Variants in HOXB3 observed in about 807,000 individuals in gnomAD.
HOXB3 encodes homeobox B3.
In HOXB3, 17 loss-of-function variants were observed where a neutral mutation model predicts 29.2. The observed-to-expected ratio is 0.58, with a 90% CI of 0.40 to 0.87. The LOEUF (loss-of-function observed/expected upper bound fraction) is 0.87, where lower values mean the gene tolerates loss of function less well. Ranked by LOEUF, HOXB3 falls within the 40% of genes least tolerant of loss-of-function variation. The probability of loss-of-function intolerance (pLI) is 0.00; values close to 1 mark genes in which losing one functional copy is unlikely to be tolerated. For missense variants in HOXB3, 637 were observed against 616.3 expected, an observed-to-expected ratio of 1.03 and a Z score of -0.35; for synonymous variants, 317 against 285.9, an observed-to-expected ratio of 1.11 and a Z score of -1.10.
At chr17:48,553,670 G>A (rs2068851755) in intron 3 of HOXB3, 2 of 151,150 alleles carry the variant, frequency 1.3e-5, no homozygotes, top group African/African-American at 4.8e-5. Flanking sequence ...GTTAGAAACA[G>A]AGGTATTCCT....
chr17:48,576,423 C>T (rs2069763993), intron 1 of HOXB3: 2 of 271,770 alleles, frequency 7.4e-6, no homozygotes, highest in African/African-American at 2.3e-5. Flanking sequence ...TCCTATTTCT[C>T]TTTCTGTCTT....
At chr17:48,555,198 CAAGA>C (rs1306442566) in intron 3 of HOXB3, among the ~76,000 whole-genome samples, 13 of 151,770 alleles carry the variant, frequency 8.6e-5, no homozygotes, top group Admixed American at 8.5e-4. Flanking sequence ...AGAAAAATAA[CAAGA>C]AAGGAAGACA....
chr17:48,586,829 C>T (rs534165662), intron 1 of HOXB3, among the ~76,000 whole-genome samples: 4 of 152,232 alleles, frequency 2.6e-5, no homozygotes, highest in African/African-American at 9.6e-5. Flanking sequence ...ATAAAACAAA[C>T]CAAATTCGAA....
intron 3 of HOXB3, 65 bp downstream of exon 3, chr17:48,555,466 C>G (rs2068947335): frequency 2.9e-6 from 2 of 700,906 alleles, no homozygotes; most frequent in Non-Finnish European, 5.2e-6. Context: ...GTCATATGGG[C>G]CATAAATCAT....
At position 48,552,351 on chromosome 17, in the gene HOXB3, G is replaced by A; in HGVS notation, c.124C>T (p.His42Tyr). 6.2e-7 allele frequency: 1 copy of A among 1,613,990 alleles called. No individual in the cohort carries two copies. Among genetic ancestry groups the A allele is most frequent in the Non-Finnish European group, 8.5e-7 (1 of 1,179,926 alleles). The change falls in exon 4 of 5, where the codon CAC becomes TAC. Residue 42 changes from histidine to tyrosine, a missense_variant. Coordinates refer to ENST00000498678, the MANE Select transcript of HOXB3 (RefSeq NM_001384749.1). ...GAGCGCTGGTAGTCGCCCTCCAGGTGCGTGGCGGCCTGAAATGGGGGTTGG... is the reference window on the plus strand; with the variant it reads ...GAGCGCTGGTAGTCGCCCTCCAGGTACGTGGCGGCCTGAAATGGGGGTTGG... Reference protein sequence around the residue: ...PPQPPFQAATHLEGDYQRSAC... With the variant: ...PPQPPFQAATYLEGDYQRSAC...
chr17:48,586,973 G>A (rs1291134143), intron 1 of HOXB3, among the ~76,000 whole-genome samples: 1 of 152,174 alleles, frequency 6.6e-6, no homozygotes, highest in Non-Finnish European at 1.5e-5. Flanking sequence ...CCAGAGACAA[G>A]GAAGAGTGGG....
intron 2 of HOXB3, 51 bp from the exon 3 acceptor site, chr17:48,555,669 GC>G (rs1156289193): frequency 2.7e-5 from 13 of 487,850 alleles, no homozygotes; most frequent in East Asian, 1.4e-4. Context: ...GTCGCCCCCC[GC>G]CCCCCCGCCC....
Position 48,556,899 on chromosome 17 carries a change from AT to A in HOXB3, c.-246-1282del, listed in dbSNP as rs534709413. The A allele has an allele frequency of 7.9e-5, 12 of 152,332 alleles. No individual in the cohort carries two copies. In the East Asian group the frequency reaches 2.3e-3, roughly 29 times the overall value. 9.4% of individuals were successfully genotyped at this position (152,332 alleles called of 1,614,324 possible). On this transcript the variant is annotated intron_variant, in intron 2 of 4. Coordinates refer to ENST00000498678, the MANE Select transcript of HOXB3 (RefSeq NM_001384749.1). The stretch of plus-strand genomic sequence containing the variant: ...GAGATGGAAGATGGTTATTATTATT[AT>A]TCAGAACAACCCTGTTTGTTTCTCT...
At chr17:48,569,722 A>G (rs922107431) in intron 2 of HOXB3, among the ~76,000 whole-genome samples, 1 of 152,202 alleles carries the variant, frequency 6.6e-6, no homozygotes, top group African/African-American at 2.4e-5. Flanking sequence ...TCATAAGTCC[A>G]TGGTATAAGT....
intron 2 of HOXB3, among the ~76,000 whole-genome samples, chr17:48,559,156 G>C (rs532401775): frequency 1.3e-5 from 2 of 152,098 alleles, no homozygotes; most frequent in East Asian, 3.9e-4. Flanking sequence ...ACCCCACTGG[G>C]TACCCAGTAT....
intron 1 of HOXB3, chr17:48,579,592 G>C (rs1363206728): frequency 1.3e-5 from 2 of 153,526 alleles, no homozygotes; most frequent in Non-Finnish European, 2.9e-5. Flanking sequence ...GGGACGAGAA[G>C]ATAAATTTAA....
intron 1 of HOXB3, chr17:48,575,249 C>T (rs1336738916): frequency 6.6e-6 from 1 of 152,240 alleles, no homozygotes; most frequent in Non-Finnish European, 1.5e-5. Flanking sequence ...CTGGAATCAG[C>T]CTTCCCAGTC....
rs1164952332 is a variant in HOXB3, at chr17:48,554,439, C to T, written c.-159+1092G>A. On this transcript the variant is annotated intron_variant, in intron 3 of 4. Transcript: ENST00000498678. The surrounding 1 kb of genome is among the most constrained non-coding windows in gnomAD (Gnocchi z 4.1). ...CCCCTTGCAATAAACCCCAAACCAT[C>T]GCGGGACGGAGGCCAGGCGAGTGTG... The T allele has an allele frequency of 1.7e-6, 1 of 589,038 alleles. No homozygotes were observed. The highest frequency in any genetic ancestry group is 3.0e-6 in the Non-Finnish European group (1 of 330,604). The allele number at this position is 589,038 out of a possible 1,614,324, so 36.5% of individuals were successfully genotyped here.
intron 1 of HOXB3, 78 bp downstream of exon 1, chr17:48,590,047 G>A (rs1597862906): frequency 6.6e-6 from 1 of 152,162 alleles, no homozygotes; most frequent in East Asian, 1.9e-4. Flanking sequence ...CACAGCCCCA[G>A]GTGGAAACAA....
chr17:48,586,556 C>G (rs1042168719), intron 1 of HOXB3, among the ~76,000 whole-genome samples: 1 of 152,158 alleles, frequency 6.6e-6, no homozygotes, highest in African/African-American at 2.4e-5. Flanking sequence ...ATCCCGGACT[C>G]TATGAATTAT....
At chr17:48,584,980 CT>C (rs1167422767) in intron 1 of HOXB3, among the ~76,000 whole-genome samples, 1 of 131,018 alleles carries the variant, frequency 7.6e-6, no homozygotes, top group Non-Finnish European at 1.6e-5. Flanking sequence ...ATGGTGTAAA[CT>C]TTTGACCCTC....
At position 48,550,610 on chromosome 17, in the gene HOXB3, G is replaced by A; in HGVS notation, c.1020C>T (p.Ala340=). The A allele has an allele frequency of 6.6e-7, 1 of 1,521,098 alleles. No homozygotes were observed. Among genetic ancestry groups the A allele is most frequent in the African/African-American group, 1.4e-5 (1 of 71,842 alleles). The allele number at this position is 1,521,098 out of a possible 1,614,324, so 94.2% of individuals were successfully genotyped here. Reference sequence around the variant, plus strand: ...TGCCCTGCATGGTGGGCGTCCCGTAGGCGCCCCCGTTGGCTTGGAGGACGT... The same window carrying A: ...TGCCCTGCATGGTGGGCGTCCCGTAAGCGCCCCCGTTGGCTTGGAGGACGT... The part of the protein sequence containing the change: ...EPHVLQANGG[A]YGTPTMQGSP... Residue 340 remains alanine, a synonymous_variant, in exon 5 of 5, where the codon GCC becomes GCT. Coordinates refer to ENST00000498678, the MANE Select transcript of HOXB3 (RefSeq NM_001384749.1).
intron 2 of HOXB3, among the ~76,000 whole-genome samples, chr17:48,569,499 G>A (rs1001772181): frequency 4.6e-5 from 7 of 151,964 alleles, no homozygotes; most frequent in Non-Finnish European, 8.8e-5. Flanking sequence ...GGGGCGTCTA[G>A]GGGGTGGGGG....
chr17:48,576,709 G>A (rs1294640430), intron 1 of HOXB3: 8 of 1,236,752 alleles, frequency 6.5e-6, no homozygotes, highest in South Asian at 6.3e-5. Context: ...CGTGGCTCCC[G>A]CGTGCGGGGG....
Sources: gnomAD v4.1 joint callset for allele counts (sites outside exome capture counted in the v4.1 genomes callset) on GRCh38, gnomAD v4.1.1 for gene constraint, Gnocchi (gnomAD v3.1) non-coding constraint, MANE v1.5 for transcripts, NCBI Gene and HGNC (gene_info 2026-07-23, HGNC 2026-07-21) for gene names.